TENM4: variants seen among roughly 807,000 people sequenced by gnomAD.
TENM4 encodes the protein teneurin-4.
In TENM4, 82 loss-of-function variants were observed where a neutral mutation model predicts 243.3. The ratio of observed to expected loss-of-function variants is 0.34; its 90% confidence interval spans 0.28 to 0.40. The LOEUF (loss-of-function observed/expected upper bound fraction) is 0.40. Among genes scored for constraint, TENM4 ranks in the 10% least tolerant of loss-of-function variants. The probability of loss-of-function intolerance (pLI) is 1.00; values close to 1 mark genes in which losing one functional copy is unlikely to be tolerated. For missense variants in TENM4, 3,138 were observed against 3,673.3 expected (o/e 0.85, Z 3.77); for synonymous variants, 1,412 against 1,456.3 (o/e 0.97, Z 0.69).
intron 4 of TENM4, among the ~76,000 whole-genome samples, chr11:79,143,539 G>GT (rs1363441068): frequency 2.6e-5 from 4 of 152,056 alleles, no homozygotes; most frequent in Non-Finnish European, 5.9e-5. Flanking sequence ...GGTGGAGGGA[G>GT]TGGGGAGGGA....
At chr11:78,828,099 C>T (rs1857898061) in intron 12 of TENM4, among the ~76,000 whole-genome samples, 1 of 152,184 alleles carries the variant, frequency 6.6e-6, no homozygotes, top group South Asian at 2.1e-4. Context: ...AGTGCAATTT[C>T]TGGTTGGTTT....
intron 1 of TENM4, among the ~76,000 whole-genome samples, chr11:79,393,082 C>T (rs1858270387): frequency 6.6e-6 from 1 of 152,152 alleles, no homozygotes; most frequent in Non-Finnish European, 1.5e-5. Context: ...AGGCTCCTAA[C>T]CTCTTTTCCT....
At chr11:79,286,073 T>A (rs539423296) in intron 2 of TENM4, among the ~76,000 whole-genome samples, 134 of 152,280 alleles carry the variant, frequency 8.8e-4, no homozygotes, top group African/African-American at 2.8e-3. Flanking sequence ...AGAAAACGTA[T>A]GCAAGAAAGA....
chr11:78,830,976 C>T (rs1435739373), intron 12 of TENM4, among the ~76,000 whole-genome samples: 1 of 152,172 alleles, frequency 6.6e-6, no homozygotes, highest in Non-Finnish European at 1.5e-5. Context: ...GTCCTATGTG[C>T]TAGGCACTGT....
At chr11:78,953,242 T>G (rs1446774998) in intron 6 of TENM4, among the ~76,000 whole-genome samples, 1 of 152,188 alleles carries the variant, frequency 6.6e-6, no homozygotes, top group African/African-American at 2.4e-5. Context: ...CATGCTATGT[T>G]TGTTTAGCTG....
intron 6 of TENM4, among the ~76,000 whole-genome samples, chr11:78,926,997 A>G: frequency 6.6e-6 from 1 of 152,336 alleles, no homozygotes; most frequent in East Asian, 1.9e-4. Context: ...GCTGACCAAA[A>G]TATGTTTTTT....
chr11:79,095,523 T>C (rs1861057427), intron 4 of TENM4, among the ~76,000 whole-genome samples: 1 of 152,188 alleles, frequency 6.6e-6, no homozygotes, highest in Admixed American at 6.5e-5. Context: ...GGGAAGTTTA[T>C]AAAACGGGAT....
At chr11:79,256,508 C>A (rs1026995220) in intron 2 of TENM4, among the ~76,000 whole-genome samples, 1 of 152,250 alleles carries the variant, frequency 6.6e-6, no homozygotes, top group Non-Finnish European at 1.5e-5. Flanking sequence ...GCTTGGAGAT[C>A]TGACAACTCG....
chr11:78,778,534 C>A (rs1856782003), intron 17 of TENM4, 68 bp downstream of exon 17: 1 of 1,506,160 alleles, frequency 6.6e-7, no homozygotes, highest in Admixed American at 1.9e-5. Flanking sequence ...ATACACATTT[C>A]TTCTTTTATA....
chr11:79,386,037 T>C (rs1045830758), intron 1 of TENM4, among the ~76,000 whole-genome samples: 17 of 152,194 alleles, frequency 1.1e-4, no homozygotes, highest in African/African-American at 4.1e-4. Flanking sequence ...TATAGAATAA[T>C]GAAAAGAAGA....
At chr11:79,004,431 C>A (rs1336186067) in intron 6 of TENM4, among the ~76,000 whole-genome samples, 2 of 151,970 alleles carry the variant, frequency 1.3e-5, no homozygotes, top group Non-Finnish European at 2.9e-5. Flanking sequence ...GACCACAGCA[C>A]AATAAAAATA....
At chr11:79,213,243 T>C (rs1056402454) in intron 3 of TENM4, among the ~76,000 whole-genome samples, 21 of 152,170 alleles carry the variant, frequency 1.4e-4, no homozygotes, top group Admixed American at 1.1e-3. Context: ...AGTCACAATA[T>C]GGAACCTGTT....
chr11:78,824,566 A>G (rs112681027), intron 12 of TENM4, among the ~76,000 whole-genome samples: 1 of 148,072 alleles, frequency 6.8e-6, no homozygotes, highest in Non-Finnish European at 1.5e-5. Flanking sequence ...CAGTGGCACG[A>G]TCTCGGCTCA....
intron 1 of TENM4, among the ~76,000 whole-genome samples, chr11:79,303,080 A>C (rs1220385418): frequency 6.6e-6 from 1 of 152,192 alleles, no homozygotes; most frequent in Non-Finnish European, 1.5e-5. Flanking sequence ...AGTTGGGAAG[A>C]CAAGACCAAT....
At chr11:78,723,713 C>A (rs1371683986) in intron 23 of TENM4, among the ~76,000 whole-genome samples, 1 of 152,228 alleles carries the variant, frequency 6.6e-6, no homozygotes, top group Non-Finnish European at 1.5e-5. Context: ...TTCACAGCCT[C>A]CAAACTGGAT....
chr11:78,689,406 A>AC (rs1225139007), intron 28 of TENM4, among the ~76,000 whole-genome samples: 1 of 152,026 alleles, frequency 6.6e-6, no homozygotes, highest in Non-Finnish European at 1.5e-5. Flanking sequence ...TTCTTCCTCT[A>AC]CATGGCAATA....
At chr11:78,720,213 T>C (rs1859612777) in intron 25 of TENM4, among the ~76,000 whole-genome samples, 157 bp downstream of exon 25, 1 of 152,196 alleles carries the variant, frequency 6.6e-6, no homozygotes, top group Non-Finnish European at 1.5e-5. Flanking sequence ...CTTGCCATTA[T>C]TAATGACTTC....
intron 1 of TENM4, among the ~76,000 whole-genome samples, chr11:79,299,923 T>C (rs937819070): frequency 4.6e-5 from 7 of 152,196 alleles, no homozygotes; most frequent in African/African-American, 1.4e-4. Flanking sequence ...TTGGGCTTGC[T>C]TTCTGCTGAG....
intron 18 of TENM4, among the ~76,000 whole-genome samples, chr11:78,764,605 T>C (rs1384323933): frequency 1.3e-5 from 2 of 152,158 alleles, no homozygotes; most frequent in Admixed American, 6.5e-5. Context: ...TGGGGTGTGG[T>C]GGAAGCCATT....
Sources: gnomAD v4.1 joint callset for allele counts (sites outside exome capture counted in the v4.1 genomes callset) on GRCh38, gnomAD v4.1.1 for gene constraint, MANE v1.5 for transcripts, NCBI Gene and HGNC (gene_info 2026-07-23, HGNC 2026-07-21) for gene names.